The following SPG7 variants were observed in gnomAD, a reference collection of about 807,000 sequenced individuals.
The protein encoded by SPG7 is SPG7 matrix AAA peptidase subunit, paraplegin.
Under a neutral mutation model 81.9 loss-of-function variants are expected in SPG7, and 103 were observed. The observed-to-expected ratio is 1.26, with a 90% CI of 1.07 to 1.48. The LOEUF is 1.48. Ranked by LOEUF, SPG7 falls within the 40% of genes most tolerant of loss-of-function variation. SPG7 has a pLI of 0.00. For synonymous variants in SPG7, 534 were observed against 444.2 expected (o/e 1.20, Z -2.54); for missense variants, 1,241 against 1,087.3 (o/e 1.14, Z -1.99).
At chr16:89,546,822 G>T (rs757725566) in intron 11 of SPG7, 62 bp downstream of exon 11, 3 of 1,114,230 alleles carry the variant, frequency 2.7e-6, no homozygotes, top group African/African-American at 1.5e-5. Flanking sequence ...TGTCACCTGC[G>T]CAAACAGCAT....
At chr16:89,511,233 T>G (rs2058017660) in intron 2 of SPG7, among the ~76,000 whole-genome samples, 1 of 152,236 alleles carries the variant, frequency 6.6e-6, no homozygotes, top group African/African-American at 2.4e-5. Context: ...CAAGAATGTT[T>G]AGTAAGGATT....
intron 9 of SPG7, chr16:89,541,342 G>A (rs1360923216): frequency 6.1e-6 from 6 of 982,382 alleles, no homozygotes; most frequent in African/African-American, 1.7e-5. Context: ...AGGAAATGAC[G>A]CAAAGTGAGA....
intron 9 of SPG7, 47 bp downstream of exon 9, chr16:89,532,683 T>C (rs772254491): frequency 6.2e-7 from 1 of 1,607,912 alleles, no homozygotes; most frequent in African/African-American, 1.3e-5. Flanking sequence ...TCAGAGGAGG[T>C]TTTCCGATGT....
At chr16:89,517,884 G>T (rs1256655830) in intron 3 of SPG7, 3 of 152,264 alleles carry the variant, frequency 2.0e-5, no homozygotes, top group African/African-American at 7.2e-5. Flanking sequence ...CTCCCAAAGT[G>T]CTGGGATTAT....
chr16:89,515,897 CAG>C (rs1194086820), intron 3 of SPG7, among the ~76,000 whole-genome samples: 3 of 151,582 alleles, frequency 2.0e-5, no homozygotes, highest in East Asian at 3.9e-4. Flanking sequence ...TTAGCAGAGA[CAG>C]GGTTTCACCA....
At position 89,553,967 on chromosome 16, in the gene SPG7, C is replaced by T. The variant is rs372981678; in HGVS notation, c.2103+7C>T. On this transcript the variant is annotated splice_region_variant and intron_variant, in intron 15 of 16. Coordinates refer to ENST00000645818, the MANE Select transcript of SPG7 (RefSeq NM_003119.4). ...GCAGCAGATGATGGACCATGTGAGT[C>T]GGCTCTGGCCACACCGCTGCCCTCT... 96 of 1,609,942 alleles carry T rather than the reference C, an allele frequency of 6.0e-5. No individual in the cohort carries two copies. In the Admixed American group the frequency reaches 1.1e-3, roughly 18 times the overall value.
At chr16:89,511,324 T>C (rs1055889994) in intron 2 of SPG7, among the ~76,000 whole-genome samples, 4 of 152,238 alleles carry the variant, frequency 2.6e-5, no homozygotes, top group Admixed American at 2.0e-4. Context: ...ATAAATCATT[T>C]AATGAAACCT....
At chr16:89,537,039 G>C in intron 9 of SPG7, 1 of 1,602,640 alleles carries the variant, frequency 6.2e-7, no homozygotes, top group Non-Finnish European at 8.5e-7. Context: ...TCAGGCCTGG[G>C]AATCCGCTGA....
At chr16:89,552,049 C>T (rs1360444468) in intron 13 of SPG7, 1 of 152,060 alleles carries the variant, frequency 6.6e-6, no homozygotes, top group Non-Finnish European at 1.5e-5. Flanking sequence ...TCACTGCAGC[C>T]GTTATTTAGA....
At chr16:89,554,709 G>A in intron 16 of SPG7, 146 bp downstream of exon 16, 2 of 669,290 alleles carry the variant, frequency 3.0e-6, no homozygotes, top group Non-Finnish European at 2.7e-6. Context: ...CAGCTCAACT[G>A]AAACTTACGT....
chr16:89,508,401 G>C, upstream of SPG7: 1 of 1,471,972 alleles, frequency 6.8e-7, no homozygotes, highest in South Asian at 1.3e-5. Flanking sequence ...TCACGCAGGC[G>C]CGGCTTTCAG....
intron 10 of SPG7, chr16:89,545,718 G>C: frequency 3.4e-6 from 1 of 291,512 alleles, no homozygotes; most frequent in Non-Finnish European, 6.7e-6. Context: ...TTTTGACTGT[G>C]TAAGAAACAT....
chr16:89,553,325 G>T, intron 14 of SPG7, 190 bp downstream of exon 14: 1 of 668,228 alleles, frequency 1.5e-6, no homozygotes, highest in Non-Finnish European at 2.6e-6. Context: ...TAATTTAATT[G>T]GACAAAAACT....
rs1229892735 is a variant in SPG7, at chr16:89,532,464, C to T, written c.1152C>T (p.Gly384=). 5.6e-6 allele frequency: 9 copies of T among 1,613,442 alleles called. No individual in the cohort carries two copies. The highest frequency in any genetic ancestry group is 3.3e-5 in the South Asian group (3 of 91,090). Residue 384 remains glycine (G), a splice_region_variant and synonymous_variant, in exon 9 of 17, where the codon GGC becomes GGT. Coordinates refer to ENST00000645818, the MANE Select transcript of SPG7 (RefSeq NM_003119.4). ...CTGATTCTCTCTGTGTCCCCTCAGG[C>T]CTCGGCGCTGCCCGTGTGCGGAGCC... ...AGPEFVEVIG[G]LGAARVRSLF...
intron 4 of SPG7, among the ~76,000 whole-genome samples, chr16:89,525,201 C>A (rs1445034246): frequency 6.6e-6 from 1 of 152,144 alleles, no homozygotes; most frequent in Non-Finnish European, 1.5e-5. Context: ...CTCCTGGCCT[C>A]AAGTGATCCT....
rs1438986321 is a variant in SPG7, at chr16:89,556,972, A to G, written c.2267A>G (p.Lys756Arg). ...GGCCCGCCGCCCCATGGGCCGAAGA[A>G]AATGATCGCACCGCAGAGGTGGATC... ...LIGPPPHGPK[K>R]MIAPQRWIDA... The change falls in exon 17 of 17, where the codon AAA becomes AGA. Residue 756 changes from lysine (K) to arginine (R), a missense_variant. Physicochemically the swap from Lys to Arg is conservative, Grantham distance 26 (BLOSUM62 2). Coordinates refer to ENST00000645818, the MANE Select transcript of SPG7 (RefSeq NM_003119.4). The G allele has an allele frequency of 6.2e-7, 1 of 1,614,098 alleles. No homozygotes were observed. Among genetic ancestry groups the G allele is most frequent in the Admixed American group, 1.7e-5 (1 of 60,032 alleles).
chr16:89,529,701 C>T, intron 6 of SPG7, 122 bp downstream of exon 6: 1 of 752,754 alleles, frequency 1.3e-6, no homozygotes, highest in South Asian at 1.5e-5. Context: ...CCTGAAGCCA[C>T]AATTAGACAG....
At chr16:89,553,234 C>A in intron 14 of SPG7, 99 bp downstream of exon 14, 1 of 1,197,608 alleles carries the variant, frequency 8.3e-7, no homozygotes, top group South Asian at 1.3e-5. Flanking sequence ...CTGGTGTAGA[C>A]GTAGCTTTGA....
intron 16 of SPG7, chr16:89,556,125 C>T: frequency 7.5e-6 from 3 of 398,764 alleles, no homozygotes; most frequent in Non-Finnish European, 1.3e-5. Flanking sequence ...GTGTCTGCCC[C>T]GTGTATGAAC....
Sources: gnomAD v4.1 joint callset for allele counts (sites outside exome capture counted in the v4.1 genomes callset) on GRCh38, gnomAD v4.1.1 for gene constraint, MANE v1.5 for transcripts, NCBI Gene and HGNC (gene_info 2026-07-23, HGNC 2026-07-21) for gene names.